FHIT: variants seen among roughly 807,000 people sequenced by gnomAD.
The protein encoded by FHIT is fragile histidine triad diadenosine triphosphatase, also known as bis(5'-adenosyl)-triphosphatase.
FHIT carries 19 observed loss-of-function variants against 17.9 expected under a neutral mutation model. That is an observed-to-expected ratio of 1.06 (90% CI 0.74 to 1.56). The LOEUF is 1.56. FHIT is among the 40% of genes most tolerant of loss of function. FHIT has a pLI of 0.00. For synonymous variants in FHIT, 81 were observed against 69.7 expected (o/e 1.16, Z -0.81); for missense variants, 248 against 189.2 (o/e 1.31, Z -1.82).
chr3:59,868,501 C>A (rs1006360422), intron 8 of FHIT, among the ~76,000 whole-genome samples: 2 of 152,218 alleles, frequency 1.3e-5, no homozygotes, highest in African/African-American at 4.8e-5. Flanking sequence ...ATCACACCAT[C>A]CTGCTATCAA....
chr3:59,764,826 A>AT (rs1701708636), intron 8 of FHIT, among the ~76,000 whole-genome samples: 1 of 133,984 alleles, frequency 7.5e-6, no homozygotes, highest in African/African-American at 2.6e-5. Context: ...CATTCTCCAG[A>AT]AGTCAGCATA....
At chr3:61,164,126 C>T (rs1249245286) in intron 2 of FHIT, among the ~76,000 whole-genome samples, 1 of 152,080 alleles carries the variant, frequency 6.6e-6, no homozygotes, top group Non-Finnish European at 1.5e-5. Context: ...CCATGGAGAT[C>T]GATCACCTAC....
chr3:60,469,576 T>A (rs113878717), intron 5 of FHIT, among the ~76,000 whole-genome samples: 34 of 152,298 alleles, frequency 2.2e-4, no homozygotes, highest in African/African-American at 7.2e-4. Context: ...TGGATTCCAC[T>A]GAGCTTCTTC....
At chr3:60,705,066 G>A (rs1056969275) in intron 4 of FHIT, among the ~76,000 whole-genome samples, 2 of 148,238 alleles carry the variant, frequency 1.3e-5, no homozygotes, top group Non-Finnish European at 1.5e-5. Flanking sequence ...AAAAAAAAAA[G>A]TTTAAGGTAC....
chr3:60,266,095 C>G (rs213332), intron 5 of FHIT, among the ~76,000 whole-genome samples: 120,114 of 151,936 alleles, frequency 0.79, 48,128 homozygotes, highest in East Asian at 0.99. Flanking sequence ...CACAAAAGTT[C>G]TATATGAATG....
intron 5 of FHIT, among the ~76,000 whole-genome samples, chr3:60,287,913 C>A (rs899785487): frequency 8.3e-5 from 6 of 72,326 alleles, no homozygotes; most frequent in African/African-American, 3.5e-4. Flanking sequence ...TGCTACTTGA[C>A]AAATTAACCC....
At chr3:60,081,778 T>C (rs182053731) in intron 5 of FHIT, among the ~76,000 whole-genome samples, 1 of 152,248 alleles carries the variant, frequency 6.6e-6, no homozygotes, top group Admixed American at 6.5e-5. Context: ...AGGACCCTAA[T>C]CAGAGAGAGT....
intron 5 of FHIT, among the ~76,000 whole-genome samples, chr3:60,228,317 T>C (rs578253122): frequency 6.6e-6 from 1 of 152,136 alleles, no homozygotes; most frequent in South Asian, 2.1e-4. Flanking sequence ...CATAGGAGAA[T>C]GAGGGTGACT....
chr3:60,349,277 G>A (rs970289433), intron 5 of FHIT, among the ~76,000 whole-genome samples: 1 of 152,146 alleles, frequency 6.6e-6, no homozygotes, highest in African/African-American at 2.4e-5. Flanking sequence ...CAGCTCACAA[G>A]CCACCAAGTG....
intron 5 of FHIT, among the ~76,000 whole-genome samples, chr3:60,499,601 G>A (rs183274215): frequency 1.3e-5 from 2 of 151,916 alleles, no homozygotes; most frequent in South Asian, 4.2e-4. Context: ...CCGTGGCCTT[G>A]ATCTCCTGAC....
At chr3:60,409,353 G>A (rs1701984741) in intron 5 of FHIT, among the ~76,000 whole-genome samples, 2 of 152,270 alleles carry the variant, frequency 1.3e-5, no homozygotes, top group South Asian at 4.1e-4. Flanking sequence ...ACTATTTAAA[G>A]TAAAGTGAAA....
chr3:60,203,693 A>G (rs1703024394), intron 5 of FHIT, among the ~76,000 whole-genome samples: 1 of 152,246 alleles, frequency 6.6e-6, no homozygotes, highest in Non-Finnish European at 1.5e-5. Flanking sequence ...ACTGGTATGA[A>G]CAGCAAATCA....
chr3:60,593,659 A>T (rs1057271401), intron 4 of FHIT, among the ~76,000 whole-genome samples: 5 of 152,088 alleles, frequency 3.3e-5, no homozygotes, highest in African/African-American at 9.7e-5. Flanking sequence ...ATTGTCTGAC[A>T]CTATGTCTGA....
intron 4 of FHIT, among the ~76,000 whole-genome samples, chr3:60,711,884 C>T (rs1553705222): frequency 1.3e-5 from 2 of 152,142 alleles, no homozygotes; most frequent in Non-Finnish European, 2.9e-5. Flanking sequence ...CACAATCTAG[C>T]AAGGCAGGCC....
At chr3:61,065,563 C>T (rs570398176) in intron 2 of FHIT, among the ~76,000 whole-genome samples, 2 of 152,270 alleles carry the variant, frequency 1.3e-5, no homozygotes, top group Admixed American at 1.3e-4. Context: ...TCTCAGTCTA[C>T]TGCGCTTCCC....
chr3:60,031,656 A>G (rs547949752), intron 5 of FHIT, among the ~76,000 whole-genome samples: 5 of 152,344 alleles, frequency 3.3e-5, no homozygotes, highest in African/African-American at 1.2e-4. Flanking sequence ...TAGCATTAAA[A>G]GCAAAAGGAC....
chr3:60,010,355 G>A (rs938155699), intron 7 of FHIT, among the ~76,000 whole-genome samples: 11 of 152,158 alleles, frequency 7.2e-5, no homozygotes, highest in African/African-American at 2.7e-4. Context: ...AAGGAATTTG[G>A]TAGCCCATAT....
intron 3 of FHIT, among the ~76,000 whole-genome samples, chr3:60,869,624 T>G (rs1204719073): frequency 6.6e-6 from 1 of 152,108 alleles, no homozygotes; most frequent in Non-Finnish European, 1.5e-5. Context: ...AAACAACTTT[T>G]GCCACGGAGC....
At chr3:60,963,289 T>A (rs1709553159) in intron 3 of FHIT, among the ~76,000 whole-genome samples, 1 of 152,230 alleles carries the variant, frequency 6.6e-6, no homozygotes, top group Non-Finnish European at 1.5e-5. Flanking sequence ...CCTTTATCAT[T>A]TTTTATTGCA....
Sources: gnomAD v4.1 joint callset for allele counts (sites outside exome capture counted in the v4.1 genomes callset) on GRCh38, gnomAD v4.1.1 for gene constraint, MANE v1.5 for transcripts, NCBI Gene and HGNC (gene_info 2026-07-23, HGNC 2026-07-21) for gene names.